DLGAP2: variants seen among roughly 807,000 people sequenced by gnomAD.
The protein encoded by DLGAP2 is disks large-associated protein 2.
DLGAP2 carries 26 observed loss-of-function variants against 100.3 expected under a neutral mutation model. That is an observed-to-expected ratio of 0.26 (90% CI 0.19 to 0.36). DLGAP2 has a LOEUF of 0.36. DLGAP2 is among the 10% of genes least tolerant of loss of function. The pLI, the probability that DLGAP2 is intolerant of heterozygous loss-of-function variation, is 1.00. For synonymous variants in DLGAP2, 886 were observed against 630.1 expected, an observed-to-expected ratio of 1.41 and a Z score of -6.08; for missense variants, 1,858 against 1,453.2, an observed-to-expected ratio of 1.28 and a Z score of -4.53.
intron 2 of DLGAP2, among the ~76,000 whole-genome samples, chr8:1,104,449 C>T (rs10095476): frequency 0.29 from 44,796 of 152,102 alleles, 7,572 homozygotes; most frequent in Non-Finnish European, 0.4. Context: ...CAAGAAGTCA[C>T]GGCACGTGTG....
chr8:1,085,851 C>A (rs1803958162), intron 2 of DLGAP2, among the ~76,000 whole-genome samples: 1 of 152,156 alleles, frequency 6.6e-6, no homozygotes, highest in African/African-American at 2.4e-5. Flanking sequence ...CTGCACATCC[C>A]TTTGGGTATG....
chr8:1,547,927 A>G (rs1198448407), intron 4 of DLGAP2, among the ~76,000 whole-genome samples: 1 of 152,230 alleles, frequency 6.6e-6, no homozygotes, highest in Non-Finnish European at 1.5e-5. Flanking sequence ...ACATGAGCTT[A>G]CTAGACAATA....
At chr8:1,345,631 A>G (rs558762258) in intron 3 of DLGAP2, among the ~76,000 whole-genome samples, 2 of 152,204 alleles carry the variant, frequency 1.3e-5, no homozygotes, top group Non-Finnish European at 2.9e-5. Context: ...ACGTCTGATC[A>G]GTGCACAGCA....
chr8:1,011,964 C>T (rs1801302661), intron 2 of DLGAP2, among the ~76,000 whole-genome samples: 1 of 152,204 alleles, frequency 6.6e-6, no homozygotes, highest in Admixed American at 6.5e-5. Flanking sequence ...GATGTCTCGG[C>T]TCACTCTAAA....
chr8:1,287,157 TGCGCGC>T (rs1259394109), intron 3 of DLGAP2, among the ~76,000 whole-genome samples: 1 of 99,406 alleles, frequency 1.0e-5, no homozygotes, highest in African/African-American at 3.2e-5. Flanking sequence ...TGTGTGTGTG[TGCGCGC>T]GCGCGCGTGG....
At chr8:812,819 T>C (rs1796396451) in intron 1 of DLGAP2, among the ~76,000 whole-genome samples, 3 of 152,200 alleles carry the variant, frequency 2.0e-5, no homozygotes, top group Admixed American at 2.0e-4. Context: ...CTTTGGAGCA[T>C]GGGAGCAGCT....
At chr8:1,320,587 C>T (rs554465430) in intron 3 of DLGAP2, among the ~76,000 whole-genome samples, 8 of 152,196 alleles carry the variant, frequency 5.3e-5, no homozygotes, top group Non-Finnish European at 7.3e-5. Context: ...GCTTCATGCT[C>T]AGCTCTCTCA....
At position 1,420,594 on chromosome 8, in the gene DLGAP2, G is replaced by A. The variant is rs532993085; in HGVS notation, c.107-80772G>A. Among the ~76,000 whole-genome samples the A allele has an allele frequency of 5.3e-5, 8 of 152,268 alleles. No homozygotes were observed. In the East Asian group the frequency reaches 1.4e-3, roughly 26 times the overall value. ...ATTTAAAAATATGATCTTCTATGTT[G>A]AGCATCAATGTCAAAGCCTGTGGGT... On this transcript the variant is annotated intron_variant, in intron 3 of 14. Transcript: ENST00000637795.
chr8:990,188 G>C (rs1370595786), intron 2 of DLGAP2, among the ~76,000 whole-genome samples: 1 of 151,986 alleles, frequency 6.6e-6, no homozygotes, highest in Non-Finnish European at 1.5e-5. Context: ...CATTCTTTTT[G>C]TTGGTGAGAG....
chr8:1,661,519 C>G (rs1448085287), intron 8 of DLGAP2, among the ~76,000 whole-genome samples: 4 of 152,198 alleles, frequency 2.6e-5, no homozygotes, highest in African/African-American at 4.8e-5. Flanking sequence ...ATCCATCTCC[C>G]TGGCAAACTA....
At chr8:807,043 C>A (rs1339215429) in intron 1 of DLGAP2, among the ~76,000 whole-genome samples, 3 of 152,206 alleles carry the variant, frequency 2.0e-5, no homozygotes, top group Admixed American at 6.5e-5. Context: ...TCAAATAATT[C>A]TTGACTGAAA....
intron 3 of DLGAP2, among the ~76,000 whole-genome samples, chr8:1,378,887 A>G (rs368789495): frequency 6.6e-6 from 1 of 151,964 alleles, no homozygotes; most frequent in African/African-American, 2.4e-5. Context: ...CGGGTTCAAC[A>G]CTCATGCTTC....
At chr8:1,468,500 C>T (rs920029872) in intron 3 of DLGAP2, among the ~76,000 whole-genome samples, 3 of 152,234 alleles carry the variant, frequency 2.0e-5, no homozygotes, top group Non-Finnish European at 4.4e-5. Context: ...GCCCTGAGTC[C>T]TTAGCAGCCA....
At position 960,237 on chromosome 8, in the gene DLGAP2, C is replaced by CTTTTTTTTTTT. The variant is rs71528625; in HGVS notation, c.73+52276_73+52286dup. Among the ~76,000 whole-genome samples the CTTTTTTTTTTT allele has an allele frequency of 8.7e-3, 389 of 44,640 alleles. 93 individuals carry two copies. The highest frequency in any genetic ancestry group is 0.03 in the African/African-American group (339 of 11,360). The allele number at this position is 44,640 out of a possible 152,430, so 29.3% of individuals were successfully genotyped here. On this transcript the variant is annotated intron_variant, in intron 2 of 14. Transcript: ENST00000637795. ...TTGGGCAATTATTCCTGAAGTATAT[C>CTTTTTTTTTTT]TTTTTTTTTTTTTTTCCCGAGACAC... is the stretch of plus-strand genomic sequence containing the variant.
At chr8:1,282,491 G>C (rs1237912173) in intron 3 of DLGAP2, among the ~76,000 whole-genome samples, 1 of 122,160 alleles carries the variant, frequency 8.2e-6, no homozygotes, top group East Asian at 2.9e-4. Flanking sequence ...CCTGAACCCA[G>C]CACGTGAACC....
At chr8:740,817 G>A (rs1260648463) in intron 1 of DLGAP2, among the ~76,000 whole-genome samples, 1 of 152,146 alleles carries the variant, frequency 6.6e-6, no homozygotes, top group Admixed American at 6.5e-5. Flanking sequence ...TGTATACTTT[G>A]ATTATAGATT....
intron 2 of DLGAP2, among the ~76,000 whole-genome samples, chr8:924,546 G>C (rs1487778310): frequency 2.0e-5 from 3 of 152,072 alleles, no homozygotes; most frequent in African/African-American, 7.2e-5. Flanking sequence ...ACTTCGGGAA[G>C]CTGGCACTGC....
chr8:820,592 A>G (rs1796565719), intron 1 of DLGAP2, among the ~76,000 whole-genome samples: 1 of 152,252 alleles, frequency 6.6e-6, no homozygotes, highest in Non-Finnish European at 1.5e-5. Flanking sequence ...GAAAACAGTG[A>G]GAAACTATTT....
chr8:920,893 T>G (rs1798699517), intron 2 of DLGAP2, among the ~76,000 whole-genome samples: 1 of 152,246 alleles, frequency 6.6e-6, no homozygotes. Context: ...TGTGCTTGCT[T>G]CATGCTGAGC....
Sources: gnomAD v4.1 joint callset for allele counts (sites outside exome capture counted in the v4.1 genomes callset) on GRCh38, gnomAD v4.1.1 for gene constraint, MANE v1.5 for transcripts, NCBI Gene and HGNC (gene_info 2026-07-23, HGNC 2026-07-21) for gene names.